MEI4: variants seen among roughly 807,000 people sequenced by gnomAD.
MEI4 encodes the protein meiosis-specific protein MEI4.
Under a neutral mutation model 31.4 loss-of-function variants are expected in MEI4, and 27 were observed. The observed-to-expected ratio is 0.86, with a 90% confidence interval of 0.63 to 1.19. MEI4 has a LOEUF of 1.19. MEI4 is among the 50% of genes most tolerant of loss of function. The pLI is 0.00. For missense variants in MEI4, 329 were observed against 398.9 expected, an observed-to-expected ratio of 0.82 and a Z score of 1.49; for synonymous variants, 122 against 145.4, an observed-to-expected ratio of 0.84 and a Z score of 1.16.
chr6:77,733,695 T>G (rs1469960355), intron 2 of MEI4, among the ~76,000 whole-genome samples: 1 of 151,908 alleles, frequency 6.6e-6, no homozygotes, highest in Admixed American at 6.6e-5. Context: ...GCTCTTGCTT[T>G]TCTAGTTCTT....
intron 4 of MEI4, among the ~76,000 whole-genome samples, chr6:77,917,415 C>T (rs1209260912): frequency 4.0e-5 from 6 of 150,958 alleles, no homozygotes; most frequent in African/African-American, 4.9e-5. Flanking sequence ...TATTTCTCCA[C>T]ATCCTCTCCA....
Position 77,679,111 on chromosome 6 carries a change from G to C in MEI4, c.-14-11547G>C, listed in dbSNP as rs1582015373. 2.0e-5 allele frequency among the ~76,000 whole-genome samples: 3 copies of C among 152,214 alleles called. No homozygotes were observed. In the East Asian group the frequency reaches 5.8e-4, roughly 29 times the overall value. On this transcript the variant is annotated intron_variant, in intron 1 of 4. Transcript: ENST00000684080. Reference sequence around the variant, plus strand: ...ATCTGAAATGTTTATAAGGTAAAAAGTTTTAGTAAGCTAAGGCTAATTTAT... The same window carrying C: ...ATCTGAAATGTTTATAAGGTAAAAACTTTTAGTAAGCTAAGGCTAATTTAT...
chr6:77,842,421 A>G (rs1050406548), intron 4 of MEI4, among the ~76,000 whole-genome samples: 4 of 151,720 alleles, frequency 2.6e-5, no homozygotes, highest in African/African-American at 9.7e-5. Flanking sequence ...TTTGAGAAAT[A>G]TATGGATTTA....
intron 2 of MEI4, among the ~76,000 whole-genome samples, chr6:77,748,848 C>T (rs933910462): frequency 2.0e-5 from 3 of 152,050 alleles, no homozygotes; most frequent in Non-Finnish European, 4.4e-5. Flanking sequence ...CAGTAGGGGC[C>T]GACAGACATG....
chr6:77,853,621 C>G (rs375859643), intron 4 of MEI4, among the ~76,000 whole-genome samples: 1 of 152,118 alleles, frequency 6.6e-6, no homozygotes, highest in Non-Finnish European at 1.5e-5. Flanking sequence ...TTGTGGTAGA[C>G]CAAGATCTGG....
At chr6:77,757,008 G>C (rs1156784814) in intron 2 of MEI4, among the ~76,000 whole-genome samples, 1 of 152,180 alleles carries the variant, frequency 6.6e-6, no homozygotes, top group Non-Finnish European at 1.5e-5. Context: ...ACAGAAGCTG[G>C]AATAGAGCAC....
chr6:77,788,585 C>T (rs1300745159), intron 3 of MEI4, among the ~76,000 whole-genome samples: 2 of 152,018 alleles, frequency 1.3e-5, no homozygotes, highest in Non-Finnish European at 2.9e-5. Flanking sequence ...GTGCAAAAAT[C>T]ACAAGCATTC....
At chr6:77,856,775 G>GCACTCTCATCTTATCCACCT (rs1562013945) in intron 4 of MEI4, among the ~76,000 whole-genome samples, 1 of 151,974 alleles carries the variant, frequency 6.6e-6, no homozygotes, top group African/African-American at 2.4e-5. Context: ...CTTATCCACC[G>GCACTCTCATCTTATCCACCT]ACCTAAGCAC....
intron 2 of MEI4, among the ~76,000 whole-genome samples, chr6:77,730,860 G>A (rs1048665604): frequency 1.6e-4 from 23 of 146,356 alleles, no homozygotes; most frequent in African/African-American, 5.9e-4. Context: ...TCCCGCCTAT[G>A]AGTGAGAATA....
chr6:77,670,277 C>T (rs1768714544), intron 1 of MEI4, among the ~76,000 whole-genome samples: 2 of 151,832 alleles, frequency 1.3e-5, no homozygotes, highest in Admixed American at 6.6e-5. Context: ...TTTTCAGCAG[C>T]TCTCTGTGGT....
At chr6:77,919,980 C>T (rs1264299303) in intron 4 of MEI4, among the ~76,000 whole-genome samples, 1 of 147,870 alleles carries the variant, frequency 6.8e-6, no homozygotes, top group East Asian at 2.2e-4. Flanking sequence ...AGACCAATAA[C>T]AGGAGCTGAA....
chr6:77,898,328 T>C (rs565544794), intron 4 of MEI4, among the ~76,000 whole-genome samples: 1 of 152,160 alleles, frequency 6.6e-6, no homozygotes, highest in East Asian at 1.9e-4. Context: ...TCCTACTGAA[T>C]TATCATGGTG....
At chr6:77,670,139 G>T (rs927066776) in intron 1 of MEI4, among the ~76,000 whole-genome samples, 1 of 151,968 alleles carries the variant, frequency 6.6e-6, no homozygotes, top group African/African-American at 2.4e-5. Flanking sequence ...AACTATTTAT[G>T]GGAAATTTGT....
At position 77,773,435 on chromosome 6, in the gene MEI4, A is replaced by G. The variant is rs116683223; in HGVS notation, c.768+11770A>G. 7.8e-3 allele frequency among the ~76,000 whole-genome samples: 1,192 copies of G among 152,176 alleles called. 20 individuals are homozygous for G. The highest frequency in any genetic ancestry group is 0.028 in the African/African-American group (1,143 of 41,544). ...GGTGGCAAGAACATACACTGGAGAA[A>G]GAACAGTCTCTTCTGTGAATGGTAC... On this transcript the variant is annotated intron_variant, in intron 3 of 4. Coordinates refer to ENST00000684080, the MANE Select transcript of MEI4 (RefSeq NM_001322247.2).
At chr6:77,919,550 A>C (rs1214296221) in intron 4 of MEI4, among the ~76,000 whole-genome samples, 2 of 152,192 alleles carry the variant, frequency 1.3e-5, no homozygotes, top group African/African-American at 2.4e-5. Flanking sequence ...AAAGCAGGAA[A>C]GATCCAAAAT....
intron 4 of MEI4, among the ~76,000 whole-genome samples, chr6:77,834,841 A>G (rs1171687197): frequency 6.6e-6 from 1 of 152,178 alleles, no homozygotes. Context: ...AATAGGAAGC[A>G]GTAAAGTACC....
intron 2 of MEI4, among the ~76,000 whole-genome samples, chr6:77,756,243 ATAT>A (rs1260726733): frequency 1.3e-5 from 2 of 152,206 alleles, no homozygotes; most frequent in African/African-American, 2.4e-5. Context: ...CTATTATCAG[ATAT>A]TATAACCCAT....
At chr6:77,706,855 G>A (rs1468054366) in intron 2 of MEI4, among the ~76,000 whole-genome samples, 1 of 152,140 alleles carries the variant, frequency 6.6e-6, no homozygotes, top group Non-Finnish European at 1.5e-5. Flanking sequence ...CTCACCAGAA[G>A]CCAAGCGGAT....
chr6:77,799,192 G>C (rs1327160931), intron 3 of MEI4, among the ~76,000 whole-genome samples: 3 of 151,890 alleles, frequency 2.0e-5, no homozygotes, highest in Non-Finnish European at 4.4e-5. Context: ...ATTCTAACTG[G>C]TGTGAGATGG....
Sources: gnomAD v4.1 joint callset for allele counts (sites outside exome capture counted in the v4.1 genomes callset) on GRCh38, gnomAD v4.1.1 for gene constraint, MANE v1.5 for transcripts, NCBI Gene and HGNC (gene_info 2026-07-23, HGNC 2026-07-21) for gene names.